Variants in ATRX observed in about 807,000 individuals in gnomAD.
ATRX encodes chromatin remodeler ATRX.
ATRX carries 12 observed loss-of-function variants against 172.6 expected under a neutral mutation model. That is an observed-to-expected ratio of 0.07 (90% CI 0.04 to 0.11). The LOEUF (loss-of-function observed/expected upper bound fraction) is 0.11. Ranked by LOEUF, ATRX falls within the 10% of genes least tolerant of loss-of-function variation. ATRX has a pLI of 1.00. For synonymous variants in ATRX, 674 were observed against 594.7 expected (o/e 1.13, Z -1.94); for missense variants, 1,368 against 1,767.4 (o/e 0.77, Z 4.05).
At chrX:77,691,485 T>C (rs1382798367) in intron 6 of ATRX, among the ~76,000 whole-genome samples, 3 of 111,849 alleles carry the variant, frequency 2.7e-5, no homozygotes, top group Non-Finnish European at 5.6e-5. Context: ...TTGTGTCATG[T>C]AAAAAAGTTA....
At chrX:77,541,001 C>A (rs970760761) in intron 30 of ATRX, among the ~76,000 whole-genome samples, 3 of 111,152 alleles carry the variant, frequency 2.7e-5, no homozygotes, top group South Asian at 3.7e-4. Context: ...CATAAAAAAA[C>A]CTTCAAAAAA....
chrX:77,601,941 T>C (rs1356639559), intron 22 of ATRX, among the ~76,000 whole-genome samples: 1 of 112,377 alleles, frequency 8.9e-6, no homozygotes, highest in Non-Finnish European at 1.9e-5. Context: ...TAATTCTTTT[T>C]ATTTCTGTAA....
At chrX:77,568,469 A>G (rs909404161) in intron 28 of ATRX, among the ~76,000 whole-genome samples, 7 of 112,272 alleles carry the variant, frequency 6.2e-5, no homozygotes, top group Non-Finnish European at 1.3e-4. Context: ...TACTGAGGAA[A>G]TTTAATTAGT....
At chrX:77,602,580 T>C (rs144177592) in intron 22 of ATRX, among the ~76,000 whole-genome samples, 3,038 of 110,273 alleles carry the variant, frequency 0.028, 109 homozygotes, top group African/African-American at 0.096. Context: ...ACTTAAGTTA[T>C]ATCCCATATT....
chrX:77,606,662 C>A (rs1557090653), intron 22 of ATRX, among the ~76,000 whole-genome samples: 1 of 108,793 alleles, frequency 9.2e-6, no homozygotes, highest in East Asian at 2.9e-4. Context: ...ATGGCTCACA[C>A]CTGTAATCCC....
At chrX:77,766,469 C>T (rs1245383677) in intron 1 of ATRX, among the ~76,000 whole-genome samples, 15 of 106,172 alleles carry the variant, frequency 1.4e-4, no homozygotes, top group Non-Finnish European at 2.1e-4. Flanking sequence ...TCAGACGAGG[C>T]GGTTGCCACG....
At chrX:77,539,772 AT>A (rs2147846950) in intron 30 of ATRX, among the ~76,000 whole-genome samples, 1 of 111,965 alleles carries the variant, frequency 8.9e-6, no homozygotes, top group Admixed American at 9.5e-5. Flanking sequence ...ATGCTGAGAG[AT>A]TTTGTCACCA....
At chrX:77,741,251 G>C (rs2074854585) in intron 1 of ATRX, among the ~76,000 whole-genome samples, 1 of 111,201 alleles carries the variant, frequency 9.0e-6, no homozygotes, top group African/African-American at 3.3e-5. Flanking sequence ...TAAAGTCATG[G>C]CTATTGAAGG....
chrX:77,586,537 TTA>T (rs2066030611), intron 27 of ATRX, among the ~76,000 whole-genome samples: 1 of 112,096 alleles, frequency 8.9e-6, no homozygotes, highest in African/African-American at 3.2e-5. Context: ...CAAGATATCA[TTA>T]TTCATCTATT....
chrX:77,592,552 C>G (rs1470199926), intron 26 of ATRX, among the ~76,000 whole-genome samples: 1 of 111,341 alleles, frequency 9.0e-6, no homozygotes, highest in Non-Finnish European at 1.9e-5. Flanking sequence ...GTGTCTCACG[C>G]CTGTAATCCC....
At position 77,556,498 on chromosome X, in the gene ATRX, CTTGTGTAAT is replaced by C. The variant is rs1271875143; in HGVS notation, c.6699+944_6699+952del. On this transcript the variant is annotated intron_variant, in intron 30 of 34. Coordinates refer to ENST00000373344, the MANE Select transcript of ATRX (RefSeq NM_000489.6). ...CTGTAACACTTACTGGTCATGTACC[CTTGTGTAAT>C]CACAAACTCTAAATCTCAGCTTCCT... Among the ~76,000 whole-genome samples the C allele has an allele frequency of 2.7e-5, 3 of 109,613 alleles. No individual in the cohort carries two copies. The Admixed American group carries it at 2.9e-4, about 11-fold the overall frequency.
At chrX:77,707,642 G>A (rs2072902853) in intron 2 of ATRX, among the ~76,000 whole-genome samples, 1 of 111,578 alleles carries the variant, frequency 9.0e-6, no homozygotes, top group South Asian at 3.7e-4. Flanking sequence ...AGCTACTCGG[G>A]AGGCTGAGGT....
chrX:77,712,025 T>C (rs782046680), intron 2 of ATRX, among the ~76,000 whole-genome samples: 3 of 112,006 alleles, frequency 2.7e-5, no homozygotes, highest in African/African-American at 9.7e-5. Flanking sequence ...TCGTGCAATC[T>C]GGTTTTCCCA....
At chrX:77,570,008 A>AG (rs2065352141) in intron 28 of ATRX, among the ~76,000 whole-genome samples, 1 of 111,889 alleles carries the variant, frequency 8.9e-6, no homozygotes, top group Non-Finnish European at 1.9e-5. Context: ...TGTGATATTA[A>AG]GGCTTAGTAC....
chrX:77,682,702 C>G lies in ATRX; in HGVS notation c.2554G>C (p.Asp852His). The G allele has an allele frequency of 8.3e-7, 1 of 1,209,405 alleles. No homozygotes were observed. The highest frequency in any genetic ancestry group is 1.1e-6 in the Non-Finnish European group (1 of 895,173). The change falls in exon 9 of 35, where the codon GAT becomes CAT. Residue 852 changes from aspartate (D) to histidine (H), a missense_variant. By Grantham distance (81) the Asp-to-His change is moderately conservative. Around this residue, in one of 17 missense-constraint regions of ATRX, gnomAD observed 843 missense variants for 643.1 expected, o/e 1.31. Transcript: ENST00000373344. ...ATTCCTTTTTTGCTGTGTTTCTCAT[C>G]TTCAGAAGAGTCAAAATCTTTTGTA... ...PNTKDFDSSE[D>H]EKHSKKGMDN...
intron 1 of ATRX, among the ~76,000 whole-genome samples, chrX:77,747,420 A>G (rs2075126835): frequency 9.1e-6 from 1 of 110,210 alleles, no homozygotes; most frequent in African/African-American, 3.3e-5. Context: ...GCTACTTGGG[A>G]GGCTGAGGCA....
At chrX:77,656,921 A>G (rs1557120141) in intron 12 of ATRX, among the ~76,000 whole-genome samples, 1 of 112,075 alleles carries the variant, frequency 8.9e-6, no homozygotes, top group Non-Finnish European at 1.9e-5. Flanking sequence ...CAGAATAAGA[A>G]TAAATTACCT....
At chrX:77,612,001 A>G (rs967837696) in intron 22 of ATRX, among the ~76,000 whole-genome samples, 8 of 112,238 alleles carry the variant, frequency 7.1e-5, no homozygotes, top group Admixed American at 9.5e-5. Flanking sequence ...GCAGAAATGT[A>G]TATAACAAGT....
intron 30 of ATRX, among the ~76,000 whole-genome samples, chrX:77,528,623 C>T (rs1172630078): frequency 9.1e-6 from 1 of 110,153 alleles, no homozygotes; most frequent in African/African-American, 3.3e-5. Flanking sequence ...TCAACAACAA[C>T]AAAAAAAGGC....
Sources: gnomAD v4.1 joint callset for allele counts (sites outside exome capture counted in the v4.1 genomes callset) on GRCh38, gnomAD v4.1.1 for gene constraint, gnomAD v4.1.1 regional missense constraint, MANE v1.5 for transcripts, NCBI Gene and HGNC (gene_info 2026-07-23, HGNC 2026-07-21) for gene names.